The following RCC1 variants were observed in gnomAD, a reference collection of about 807,000 sequenced individuals.
The protein encoded by RCC1 is regulator of chromosome condensation 1.
RCC1 carries 11 observed loss-of-function variants against 44.4 expected under a neutral mutation model. That is an observed-to-expected ratio of 0.25 (90% CI 0.16 to 0.41). The LOEUF (loss-of-function observed/expected upper bound fraction) is 0.41, where lower values mean the gene tolerates loss of function less well. RCC1 is among the 10% of genes least tolerant of loss of function. The probability of loss-of-function intolerance (pLI) is 1.00; values close to 1 mark genes in which losing one functional copy is unlikely to be tolerated. For synonymous variants in RCC1, 213 were observed against 216.5 expected (o/e 0.98, Z 0.14); for missense variants, 386 against 547.1 (o/e 0.71, Z 2.94).
rs1402972696 is a variant in RCC1, at chr1:28,506,222, G to A, written c.-262+138G>A. On this transcript the variant is annotated intron_variant, in intron 1 of 12. Coordinates refer to ENST00000683442, the MANE Select transcript of RCC1 (RefSeq NM_001381865.2). ...TTTACTTTTTTTTTTTTTTTGAGAC[G>A]GAGTCGGTTTGTCACTCAGGCTGGA... is the stretch of plus-strand genomic sequence containing the variant. 2.6e-5 allele frequency: 11 copies of A among 427,332 alleles called. No homozygotes were observed. The East Asian group carries it at 5.7e-4, about 22-fold the overall frequency. The allele number at this position is 427,332 out of a possible 1,614,324, so 26.5% of individuals were successfully genotyped here. A position where few individuals can be genotyped will look rare whatever the true frequency, so the allele number is the denominator to read the frequency against.
At chr1:28,519,648 A>C (rs1045207579) in intron 4 of RCC1, among the ~76,000 whole-genome samples, 2 of 150,762 alleles carry the variant, frequency 1.3e-5, no homozygotes, top group African/African-American at 4.9e-5. Context: ...GCTCACTGCA[A>C]CCTCCACCTC....
At chr1:28,526,530 A>G (rs1284197461) in intron 4 of RCC1, 3 of 576,092 alleles carry the variant, frequency 5.2e-6, no homozygotes, top group African/African-American at 1.9e-5. Flanking sequence ...AACAACTTCA[A>G]AGTTCACATC....
rs1022598215 is a variant in RCC1 at position 28,526,954 on chromosome 1, C to T, written c.-9-2904C>T. On this transcript the variant is annotated intron_variant, in intron 4 of 12. Coordinates refer to ENST00000683442, the MANE Select transcript of RCC1 (RefSeq NM_001381865.2). ...GATAGAAGAAAAGCACCAAATATTT[C>T]CCCTCAAAGTCATCAAGGCTTAGGT... The T allele has an allele frequency of 1.7e-5, 15 of 859,322 alleles. No individual in the cohort carries two copies. The Middle Eastern group carries it at 1.0e-3, about 58-fold the overall frequency. The allele number at this position is 859,322 out of a possible 1,614,324, so 53.2% of individuals were successfully genotyped here.
chr1:28,521,426 G>C (rs149289821), intron 4 of RCC1, among the ~76,000 whole-genome samples: 1 of 151,972 alleles, frequency 6.6e-6, no homozygotes, highest in African/African-American at 2.4e-5. Flanking sequence ...GCGTGAACCT[G>C]GGAGGCGGAG....
At chr1:28,529,626 C>T (rs370533308) in intron 4 of RCC1, among the ~76,000 whole-genome samples, 1 of 152,138 alleles carries the variant, frequency 6.6e-6, no homozygotes, top group East Asian at 1.9e-4. Flanking sequence ...TACTATTGAA[C>T]ATTCGGGTTC....
chr1:28,511,943 C>T (rs1207952225), intron 3 of RCC1, among the ~76,000 whole-genome samples: 3 of 149,080 alleles, frequency 2.0e-5, no homozygotes, highest in East Asian at 2.0e-4. Flanking sequence ...GGATTACAGG[C>T]GTAAGCCACT....
intron 3 of RCC1, among the ~76,000 whole-genome samples, chr1:28,514,935 T>A (rs1350118343): frequency 1.3e-5 from 2 of 152,148 alleles, no homozygotes; most frequent in Non-Finnish European, 2.9e-5. Context: ...TTGTCATGTG[T>A]CTTACTTTTA....
chr1:28,533,869 TTTTTTTTTTTTTTTTTTTTTTTTTTTGA>T, intron 7 of RCC1, among the ~76,000 whole-genome samples: 1 of 21,542 alleles, frequency 4.6e-5, no homozygotes, highest in African/African-American at 3.7e-4. Context: ...TTTTTTTTTT[TTTTTTTTTTTTTTTTTTTTTTTTTTTGA>T]GACAGAGTCT....
At chr1:28,518,973 G>C (rs1663102322) in intron 4 of RCC1, 1 of 152,258 alleles carries the variant, frequency 6.6e-6, no homozygotes, top group African/African-American at 2.4e-5. Context: ...TCATTCATAC[G>C]TCACATATTG....
At position 28,516,718 on chromosome 1, in the gene RCC1, C is replaced by A; in HGVS notation, c.-152-7C>A. 1 of 381,532 alleles carries A rather than the reference C, an allele frequency of 2.6e-6. No homozygotes were observed. Among genetic ancestry groups the A allele is most frequent in the Non-Finnish European group, 5.1e-6 (1 of 194,206 alleles). The allele number at this position is 381,532 out of a possible 1,614,324, so 23.6% of individuals were successfully genotyped here. On this transcript the variant is annotated splice_region_variant and splice_polypyrimidine_tract_variant and intron_variant, in intron 3 of 12. Transcript: ENST00000683442. Reference sequence around the variant, plus strand: ...TAATAATAATCACTTATTATTATTACATGAAGCTACATGAATGTGTAAGAT... The same window carrying A: ...TAATAATAATCACTTATTATTATTAAATGAAGCTACATGAATGTGTAAGAT...
intron 4 of RCC1, among the ~76,000 whole-genome samples, chr1:28,525,282 A>C (rs1280318507): frequency 6.6e-6 from 1 of 152,182 alleles, no homozygotes; most frequent in African/African-American, 2.4e-5. Context: ...TCGCGGCGCC[A>C]GGCTGTCTGC....
intron 1 of RCC1, 34 bp downstream of exon 1, chr1:28,506,118 C>G (rs558895216): frequency 1.3e-4 from 61 of 454,996 alleles, no homozygotes; most frequent in South Asian, 9.5e-4. Context: ...TGATCAGATG[C>G]TTGCCACCGG....
rs1664573065 is a variant in RCC1 at position 28,536,660 on chromosome 1, A to G, written c.938-87A>G. 6.7e-6 allele frequency: 10 copies of G among 1,487,746 alleles called. No individual in the cohort carries two copies. Among genetic ancestry groups the G allele is most frequent in the Middle Eastern group, 1.9e-4 (1 of 5,226 alleles). 92.2% of individuals were successfully genotyped at this position (1,487,746 alleles called of 1,614,324 possible). Reference sequence around the variant, plus strand: ...GCTCTGGGAGCAGGGACACACTCCCATGGACAGGTGGACTCACCTAGCCTG... The same window carrying G: ...GCTCTGGGAGCAGGGACACACTCCCGTGGACAGGTGGACTCACCTAGCCTG... On this transcript the variant is annotated intron_variant, in intron 11 of 12. Coordinates refer to ENST00000683442, the MANE Select transcript of RCC1 (RefSeq NM_001381865.2). This position sits in a 1 kb window ranked among gnomAD's most constrained non-coding sequence, Gnocchi z 4.9.
At chr1:28,508,004 G>A (rs1157251711) in intron 1 of RCC1, 124 bp from the exon 2 acceptor site, 3 of 318,884 alleles carry the variant, frequency 9.4e-6, no homozygotes, top group South Asian at 7.5e-5. Flanking sequence ...GAGCCCAGGA[G>A]TGACCTATAC....
At chr1:28,537,771 T>C in intron 12 of RCC1, 61 bp from the exon 13 acceptor site, 1 of 1,519,794 alleles carries the variant, frequency 6.6e-7, no homozygotes, top group South Asian at 1.3e-5. Context: ...AGGTTTCTCC[T>C]GCTACAGAAA....
chr1:28,511,976 C>CTT (rs36018995), intron 3 of RCC1, among the ~76,000 whole-genome samples: 15 of 99,496 alleles, frequency 1.5e-4, no homozygotes, highest in South Asian at 3.1e-4. Context: ...AAGCCTGATC[C>CTT]TTTTTTTTTT....
chr1:28,524,261 A>G (rs1181422048), intron 4 of RCC1, among the ~76,000 whole-genome samples: 1 of 152,210 alleles, frequency 6.6e-6, no homozygotes, highest in East Asian at 1.9e-4. Context: ...TGTTTGTTCA[A>G]CAGTGTTCTC....
At chr1:28,516,456 C>G (rs560764138) in intron 3 of RCC1, among the ~76,000 whole-genome samples, 2 of 149,714 alleles carry the variant, frequency 1.3e-5, no homozygotes, top group Non-Finnish European at 3.0e-5. Context: ...GAGCCGAGAT[C>G]GCACCACTGC....
At chr1:28,527,008 A>G in intron 4 of RCC1, 1 of 831,308 alleles carries the variant, frequency 1.2e-6, no homozygotes, top group Non-Finnish European at 2.1e-6. Flanking sequence ...CCACGGCTGT[A>G]CCCTTAAAAT....
Sources: allele counts gnomAD v4.1 joint callset (sites outside exome capture counted in the v4.1 genomes callset), GRCh38; gene constraint gnomAD v4.1.1; non-coding constraint Gnocchi (gnomAD v3.1); transcripts MANE v1.5; gene names NCBI Gene and HGNC (gene_info 2026-07-23, HGNC 2026-07-21).